Variants in LNPEP observed in about 807,000 individuals in gnomAD.
The protein encoded by LNPEP is leucyl and cystinyl aminopeptidase.
In LNPEP, 64 loss-of-function variants were observed where a neutral mutation model predicts 120.6. That is an observed-to-expected ratio of 0.53 (90% CI 0.43 to 0.65). The LOEUF is 0.65. LNPEP is among the 30% of genes least tolerant of loss of function. The pLI is 0.00. For synonymous variants in LNPEP, 435 were observed against 425.4 expected (o/e 1.02, Z -0.28); for missense variants, 1,057 against 1,200.0 (o/e 0.88, Z 1.76).
At position 97,035,954 on chromosome 5, in the gene LNPEP, G is replaced by A. The variant is rs1211296139; in HGVS notation, c.*7421G>A. On this transcript the variant is annotated 3_prime_UTR_variant, in exon 18 of 18. Transcript: ENST00000231368. Reference sequence around the variant, plus strand: ...TTTGTAAATTCTAGAAAGGCAAGAGGACAATATTGAATAAAGCTGTGTTTA... The same window carrying A: ...TTTGTAAATTCTAGAAAGGCAAGAGAACAATATTGAATAAAGCTGTGTTTA... 1 of 152,142 alleles carries A rather than the reference G, an allele frequency of 6.6e-6. No individual in the cohort carries two copies. The highest frequency in any genetic ancestry group is 6.6e-5 in the Admixed American group (1 of 15,248). The allele number at this position is 152,142 out of a possible 1,614,324, so 9.4% of individuals were successfully genotyped here.
intron 1 of LNPEP, among the ~76,000 whole-genome samples, chr5:96,956,382 G>C (rs918037317): frequency 2.0e-5 from 3 of 152,160 alleles, no homozygotes; most frequent in African/African-American, 7.2e-5. Flanking sequence ...GCCACGTGTA[G>C]TGGCGCACGC....
chr5:97,004,298 A>G (rs1416660329), intron 9 of LNPEP, among the ~76,000 whole-genome samples: 1 of 152,174 alleles, frequency 6.6e-6, no homozygotes, highest in Admixed American at 6.5e-5. Context: ...GCAGATCATG[A>G]GATCAGGAGT....
rs1791473394 is a variant in LNPEP at position 97,031,779 on chromosome 5, T to C, written c.*3246T>C. On this transcript the variant is annotated 3_prime_UTR_variant, in exon 18 of 18. Coordinates refer to ENST00000231368, the MANE Select transcript of LNPEP (RefSeq NM_005575.3). ...GGTGGTGCACACCTGTAATCCCAGC[T>C]ACCTGGGAGGCACGAGAATCACTTG... is the stretch of plus-strand genomic sequence containing the variant. The C allele has an allele frequency of 6.6e-6, 1 of 152,176 alleles. No homozygotes were observed. The highest frequency in any genetic ancestry group is 2.4e-5 in the African/African-American group (1 of 41,392). The allele number at this position is 152,176 out of a possible 1,614,324, so 9.4% of individuals were successfully genotyped here. A position where few individuals can be genotyped will look rare whatever the true frequency, so the allele number is the denominator to read the frequency against.
chr5:96,969,377 G>A (rs141542289), intron 1 of LNPEP, among the ~76,000 whole-genome samples: 25 of 151,892 alleles, frequency 1.6e-4, no homozygotes, highest in African/African-American at 5.6e-4. Flanking sequence ...GAAAGGAGAG[G>A]GAGAACATAC....
intron 11 of LNPEP, chr5:97,010,843 T>A (rs1790907944): frequency 1.0e-6 from 1 of 985,440 alleles, no homozygotes; most frequent in Non-Finnish European, 1.2e-6. Context: ...TGTGCAAAGC[T>A]ATTATTTTTC....
intron 1 of LNPEP, chr5:96,936,989 G>C (rs1050669884): frequency 1.3e-5 from 2 of 152,276 alleles, no homozygotes; most frequent in African/African-American, 2.4e-5. Context: ...GTGCGGACCA[G>C]AAGTGCCAGA....
At chr5:96,988,262 G>A (rs1334633616) in intron 4 of LNPEP, among the ~76,000 whole-genome samples, 1 of 150,692 alleles carries the variant, frequency 6.6e-6, no homozygotes, top group African/African-American at 2.4e-5. Flanking sequence ...TATAAATTCA[G>A]CAATATTTCT....
At chr5:96,965,706 A>G (rs114422200) in intron 1 of LNPEP, among the ~76,000 whole-genome samples, 1 of 152,112 alleles carries the variant, frequency 6.6e-6, no homozygotes, top group East Asian at 1.9e-4. Context: ...TTCATTGAGC[A>G]CTTAGCATCT....
At chr5:96,939,239 A>C (rs1232144270) in intron 1 of LNPEP, among the ~76,000 whole-genome samples, 3 of 147,678 alleles carry the variant, frequency 2.0e-5, no homozygotes, top group Admixed American at 6.8e-5. Flanking sequence ...TTTGAGACAC[A>C]GTCTCACTCT....
intron 8 of LNPEP, 76 bp downstream of exon 8, chr5:96,998,221 AT>A: frequency 9.3e-7 from 1 of 1,076,364 alleles, no homozygotes; most frequent in Non-Finnish European, 1.3e-6. Flanking sequence ...AAGCTGTGTG[AT>A]TTAGATTATT....
At chr5:97,005,763 G>A (rs771457960) in intron 9 of LNPEP, among the ~76,000 whole-genome samples, 1 of 152,130 alleles carries the variant, frequency 6.6e-6, no homozygotes, top group Non-Finnish European at 1.5e-5. Flanking sequence ...TTAACTTGAT[G>A]AATTTAGGGA....
intron 8 of LNPEP, among the ~76,000 whole-genome samples, chr5:97,001,255 G>C (rs539693418): frequency 2.0e-5 from 3 of 152,198 alleles, no homozygotes; most frequent in Non-Finnish European, 4.4e-5. Flanking sequence ...TGGACTTGGA[G>C]TGTGTTTTAA....
Position 96,979,869 on chromosome 5 carries a change from C to T in LNPEP, c.751C>T (p.Leu251Phe). Residue 251 changes from leucine (L) to phenylalanine (F), a missense_variant, in exon 2 of 18, where the codon CTT (leucine) becomes TTT (phenylalanine). Leu to Phe is a conservative substitution (Grantham distance 22). Transcript: ENST00000231368. Reference protein sequence around the residue: ...GQIAIVAPEALLAGHNYTLKI... With the variant: ...GQIAIVAPEAFLAGHNYTLKI... ...GATCGCCATTGTTGCCCCCGAAGCC[C>T]TTCTAGCAGGGCACAATTATACGTT... is the stretch of plus-strand genomic sequence containing the variant. The T allele has an allele frequency of 6.2e-7, 1 of 1,613,960 alleles. No homozygotes were observed. The highest frequency in any genetic ancestry group is 1.1e-5 in the South Asian group (1 of 91,074).
At position 96,979,455 on chromosome 5, in the gene LNPEP, G is replaced by GTC. The variant is rs1238893986; in HGVS notation, c.339_340dup (p.Cys114SerfsTer12). The GTC allele has an allele frequency of 6.2e-7, 1 of 1,613,980 alleles. No homozygotes were observed. Among genetic ancestry groups the GTC allele is most frequent in the African/African-American group, 1.3e-5 (1 of 74,932 alleles). On this transcript the variant is annotated frameshift_variant, in exon 2 of 18. Coordinates refer to ENST00000231368, the MANE Select transcript of LNPEP (RefSeq NM_005575.3). LOFTEE classifies it high-confidence loss of function. ...AGTACCCTCTGCAAGGACCATGGTG[G>GTC]TCTGTGCTTTTGTCATCGTGGTTGC...
rs1266322644 is a variant in LNPEP, at chr5:97,030,572, G to A, written c.*2039G>A. The stretch of plus-strand genomic sequence containing the variant: ...TGTATGTTAGTTAACTCTGCATATG[G>A]CAAATCTTGTCTTGAATTATATCAT... On this transcript the variant is annotated 3_prime_UTR_variant, in exon 18 of 18. Transcript: ENST00000231368. The A allele has an allele frequency of 1.3e-5, 2 of 148,896 alleles. No individual in the cohort carries two copies. Among genetic ancestry groups the A allele is most frequent in the Non-Finnish European group, 3.0e-5 (2 of 67,380 alleles). 9.2% of individuals were successfully genotyped at this position (148,896 alleles called of 1,614,324 possible). A position where few individuals can be genotyped will look rare whatever the true frequency, so the allele number is the denominator to read the frequency against.
Position 97,033,507 on chromosome 5 carries a change from A to G in LNPEP, c.*4974A>G, listed in dbSNP as rs1451062764. On this transcript the variant is annotated 3_prime_UTR_variant, in exon 18 of 18. Coordinates refer to ENST00000231368, the MANE Select transcript of LNPEP (RefSeq NM_005575.3). Reference sequence around the variant, plus strand: ...TTTATTGAAGATTTTTTGCTAGGAGAGAGAAAATTTTTTGCTAGGAGAGGT... The same window carrying G: ...TTTATTGAAGATTTTTTGCTAGGAGGGAGAAAATTTTTTGCTAGGAGAGGT... The G allele has an allele frequency of 1.3e-5, 2 of 152,128 alleles. No individual in the cohort carries two copies. The highest frequency in any genetic ancestry group is 2.9e-5 in the Non-Finnish European group (2 of 68,032). 9.4% of individuals were successfully genotyped at this position (152,128 alleles called of 1,614,324 possible).
At chr5:96,952,141 TAA>T (rs955048941) in intron 1 of LNPEP, among the ~76,000 whole-genome samples, 10 of 151,916 alleles carry the variant, frequency 6.6e-5, no homozygotes, top group African/African-American at 2.2e-4. Flanking sequence ...AAATAAAATT[TAA>T]AAAAAAGAGA....
intron 11 of LNPEP, among the ~76,000 whole-genome samples, chr5:97,008,156 A>C (rs1268065828): frequency 1.3e-5 from 2 of 152,144 alleles, no homozygotes; most frequent in African/African-American, 2.4e-5. Flanking sequence ...CCATCTCCCT[A>C]TATCCTGAAG....
chr5:97,006,189 A>C lies in LNPEP; in HGVS notation c.1902A>C (p.Arg634Ser). ...AGGAACTTTTTATACAACAAGAGAG[A>C]TTCTTTTTAAATATGAAGCCTGAAA... ...KGKELFIQQERFFLNMKPEIQ... is the reference protein window; with the variant it reads ...KGKELFIQQESFFLNMKPEIQ... The change falls in exon 10 of 18, where the codon AGA (arginine) becomes AGC (serine). Residue 634 changes from arginine to serine, a missense_variant. Physicochemically the swap from Arg to Ser is moderately radical, Grantham distance 110 (BLOSUM62 -1). Transcript: ENST00000231368. The C allele has an allele frequency of 6.2e-7, 1 of 1,604,648 alleles. No homozygotes were observed. The highest frequency in any genetic ancestry group is 8.5e-7 in the Non-Finnish European group (1 of 1,176,440).
Sources: gnomAD v4.1 joint callset for allele counts (sites outside exome capture counted in the v4.1 genomes callset) on GRCh38, gnomAD v4.1.1 for gene constraint, MANE v1.5 for transcripts, NCBI Gene and HGNC (gene_info 2026-07-23, HGNC 2026-07-21) for gene names.